D2HGDH: variants seen among roughly 807,000 people sequenced by gnomAD.
D2HGDH encodes the protein D-2-hydroxyglutarate dehydrogenase.
D2HGDH carries 31 observed loss-of-function variants against 46.9 expected under a neutral mutation model. That is an observed-to-expected ratio of 0.66 (90% confidence interval 0.50 to 0.89). The LOEUF (loss-of-function observed/expected upper bound fraction) is 0.89, where lower values mean the gene tolerates loss of function less well. D2HGDH is among the 40% of genes least tolerant of loss of function. D2HGDH has a pLI of 0.00. For missense variants in D2HGDH, 698 were observed against 720.8 expected (o/e 0.97, Z 0.36); for synonymous variants, 364 against 332.6 (o/e 1.09, Z -1.03).
chr2:241,736,474 G>A (rs1363850685), intron 2 of D2HGDH, among the ~76,000 whole-genome samples: 1 of 152,124 alleles, frequency 6.6e-6, no homozygotes, highest in African/African-American at 2.4e-5. Context: ...GCCTCTTGTA[G>A]CTCTAGCTCC....
At chr2:241,749,455 T>C (rs113047262) in intron 6 of D2HGDH, 503,162 of 1,079,760 alleles carry the variant, frequency 0.47, 122,062 homozygotes, top group African/African-American at 0.8. Flanking sequence ...CCTGCAGACA[T>C]CTCCACTCAG....
chr2:241,752,429 A>C (rs1247515807), intron 8 of D2HGDH, among the ~76,000 whole-genome samples: 1 of 152,012 alleles, frequency 6.6e-6, no homozygotes, highest in Non-Finnish European at 1.5e-5. Context: ...GTGGACTGTG[A>C]CAGTCAGCTC....
chr2:241,744,820 A>T lies in D2HGDH; in HGVS notation c.796A>T (p.Thr266Ser), dbSNP rs1228638447. 4.3e-6 allele frequency: 7 copies of T among 1,613,900 alleles called. No homozygotes were observed. The East Asian group carries it at 1.6e-4, about 36-fold the overall frequency. ...GTCGGAGGGCACTTTGGGGATCATC[A>T]CCACGGTGTCCATCTTGTGTCCACC... ...IGSEGTLGII[T>S]TVSILCPPKP... Residue 266 changes from threonine (T) to serine (S), a missense_variant, in exon 6 of 10, where the codon ACC becomes TCC. Transcript: ENST00000321264.
At position 241,751,317 on chromosome 2, in the gene D2HGDH, T is replaced by C; in HGVS notation, c.1069T>C (p.Phe357Leu). Residue 357 changes from phenylalanine to leucine, a missense_variant, in exon 8 of 10, where the codon TTC becomes CTC. Coordinates refer to ENST00000321264, the MANE Select transcript of D2HGDH (RefSeq NM_152783.5). ...AGHDAEKLGH[F>L]LEHALGSGLV... ...CCATGACGCTGAGAAGCTGGGCCAC[T>C]TCCTGGAGCACGCGCTGGGCTCCGG... The C allele has an allele frequency of 6.2e-7, 1 of 1,613,936 alleles. No individual in the cohort carries two copies.
chr2:241,754,330 C>T (rs1437849951), intron 8 of D2HGDH, among the ~76,000 whole-genome samples: 1 of 152,196 alleles, frequency 6.6e-6, no homozygotes, highest in African/African-American at 2.4e-5. Context: ...AGGGTCTGAT[C>T]TGACCGAACT....
chr2:241,768,290 A>G lies in D2HGDH; in HGVS notation c.*321A>G, dbSNP rs765103729. The G allele has an allele frequency of 1.2e-4, 42 of 348,392 alleles. No homozygotes were observed. Among genetic ancestry groups the G allele is most frequent in the Non-Finnish European group, 2.0e-4 (38 of 189,326 alleles). 21.6% of individuals were successfully genotyped at this position (348,392 alleles called of 1,614,324 possible). ...CACTTGCGTGGTGGCCCCTGGCCCC[A>G]TCTTGCCTGCTGCGGCCTGGGGAGC... On this transcript the variant is annotated 3_prime_UTR_variant, in exon 10 of 10. Transcript: ENST00000321264.
At chr2:241,760,610 G>A (rs953026261) in intron 9 of D2HGDH, among the ~76,000 whole-genome samples, 1 of 151,616 alleles carries the variant, frequency 6.6e-6, no homozygotes, top group Non-Finnish European at 1.5e-5. Context: ...AGTGTGGGTG[G>A]GCCTTACCCA....
At chr2:241,735,594 C>A in intron 2 of D2HGDH, 78 bp downstream of exon 2, 2 of 1,571,016 alleles carry the variant, frequency 1.3e-6, no homozygotes, top group Non-Finnish European at 1.7e-6. Context: ...TCAAAGCGGG[C>A]TGAGAACAAC....
rs145839736 is a variant in D2HGDH at position 241,767,760 on chromosome 2, C to T, written c.1357C>T (p.Leu453Phe). The change falls in exon 10 of 10, where the codon CTC (leucine) becomes TTC (phenylalanine). Residue 453 changes from leucine to phenylalanine, a missense_variant. Coordinates refer to ENST00000321264, the MANE Select transcript of D2HGDH (RefSeq NM_152783.5). The part of the protein sequence containing the change: ...NVTAEAFSPS[L>F]LAALEPHVYE... Reference sequence around the variant, plus strand: ...GACGGCGGAGGCCTTCAGCCCCTCGCTCCTGGCTGCCCTGGAGCCCCACGT... The same window carrying T: ...GACGGCGGAGGCCTTCAGCCCCTCGTTCCTGGCTGCCCTGGAGCCCCACGT... The T allele has an allele frequency of 9.5e-4, 1,529 of 1,612,730 alleles. 2 individuals are homozygous for T. Among genetic ancestry groups the T allele is most frequent in the Non-Finnish European group, 1.3e-3 (1,478 of 1,179,602 alleles).
At chr2:241,748,894 G>A (rs1162233580) in intron 6 of D2HGDH, 16 of 1,298,786 alleles carry the variant, frequency 1.2e-5, no homozygotes, top group Non-Finnish European at 1.6e-5. Flanking sequence ...CTGTGGTCCT[G>A]GGAGCCCGAG....
At chr2:241,763,640 G>A (rs1197137954) in intron 9 of D2HGDH, among the ~76,000 whole-genome samples, 1 of 152,160 alleles carries the variant, frequency 6.6e-6, no homozygotes, top group African/African-American at 2.4e-5. Flanking sequence ...TTAAGGTGAT[G>A]GCAGTTTTTC....
Position 241,735,489 on chromosome 2 carries a change from A to G in D2HGDH, c.265A>G (p.Asn89Asp), listed in dbSNP as rs1209386473. Residue 89 changes from asparagine to aspartate, a missense_variant, in exon 2 of 10, where the codon AAC becomes GAC. Coordinates refer to ENST00000321264, the MANE Select transcript of D2HGDH (RefSeq NM_152783.5). Reference protein sequence around the residue: ...VTDPEALQAPNVDWLRTLRGC... With the variant: ...VTDPEALQAPDVDWLRTLRGC... ...GGACCCGGAAGCGCTGCAGGCTCCC[A>G]ACGTGGACTGGTTGCGGACGCTGCG... 6.2e-7 allele frequency: 1 copy of G among 1,608,316 alleles called. No homozygotes were observed. The highest frequency in any genetic ancestry group is 1.7e-5 in the Admixed American group (1 of 59,998).
rs79513513 is a variant in D2HGDH at position 241,760,338 on chromosome 2, T to C, written c.1306+4324T>C. 7.6e-4 allele frequency among the ~76,000 whole-genome samples: 34 copies of C among 44,500 alleles called. 2 individuals are homozygous for C. The highest frequency in any genetic ancestry group is 2.0e-4 in the African/African-American group (1 of 5,020). The allele number at this position is 44,500 out of a possible 152,430, so 29.2% of individuals were successfully genotyped here. A position where few individuals can be genotyped will look rare whatever the true frequency, so the allele number is the denominator to read the frequency against. On this transcript the variant is annotated intron_variant, in intron 9 of 9. Transcript: ENST00000321264. ...CCTTACCCAATCAGTCGAAGGCCTT[T>C]GCTACAGTGTGGGTGGGCCTTACCC...
chr2:241,749,464 A>G (rs1043531332), intron 6 of D2HGDH: 4 of 1,035,962 alleles, frequency 3.9e-6, no homozygotes, highest in African/African-American at 1.7e-5. Flanking sequence ...ATCTCCACTC[A>G]GTTCCTTTCC....
Position 241,750,304 on chromosome 2 carries a change from C to G in D2HGDH, c.997+10C>G, listed in dbSNP as rs910276236. ...GCCAGCCCGGTGCAAGGTACTGACC[C>G]CCCACACAGGGGGCAGCTGGTCCTG... On this transcript the variant is annotated intron_variant, in intron 7 of 9. Coordinates refer to ENST00000321264, the MANE Select transcript of D2HGDH (RefSeq NM_152783.5). 5.6e-6 allele frequency: 9 copies of G among 1,611,724 alleles called. No homozygotes were observed. Among genetic ancestry groups the G allele is most frequent in the Admixed American group, 1.7e-5 (1 of 60,018 alleles).
intron 9 of D2HGDH, among the ~76,000 whole-genome samples, chr2:241,758,758 C>T (rs1698433004): frequency 1.5e-5 from 2 of 129,574 alleles, no homozygotes; most frequent in Non-Finnish European, 3.3e-5. Flanking sequence ...CCGCCCCCCG[C>T]CCCACAATAT....
chr2:241,735,233 C>T lies in D2HGDH; in HGVS notation c.9C>T (p.Pro3=), dbSNP rs1191212322. Residue 3 remains proline, a synonymous_variant, in exon 2 of 10, where the codon CCC becomes CCT. Transcript: ENST00000321264. The part of the protein sequence containing the change: ML[P]RRPLAWPAWL... ...TCTCCGTCCCGGCGGCGATGCTGCC[C>T]CGTCGGCCTCTGGCGTGGCCCGCGT... 6.6e-7 allele frequency: 1 copy of T among 1,514,252 alleles called. No individual in the cohort carries two copies. The highest frequency in any genetic ancestry group is 1.4e-5 in the African/African-American group (1 of 69,810). 93.8% of individuals were successfully genotyped at this position (1,514,252 alleles called of 1,614,324 possible).
At chr2:241,760,123 C>A (rs989231335) in intron 9 of D2HGDH, among the ~76,000 whole-genome samples, 15 of 107,734 alleles carry the variant, frequency 1.4e-4, no homozygotes, top group East Asian at 5.8e-4. Context: ...CGAAGGACTT[C>A]GCCACAGCGT....
intron 8 of D2HGDH, chr2:241,755,626 G>A (rs1232107840): frequency 6.5e-7 from 1 of 1,527,864 alleles, no homozygotes; most frequent in African/African-American, 1.4e-5. Context: ...GCCACACCTG[G>A]TCTGGGGCAT....
Sources: allele counts gnomAD v4.1 joint callset (sites outside exome capture counted in the v4.1 genomes callset), GRCh38; gene constraint gnomAD v4.1.1; transcripts MANE v1.5; gene names NCBI Gene and HGNC (gene_info 2026-07-23, HGNC 2026-07-21).